RFX7: variants seen among roughly 807,000 people sequenced by gnomAD.
The protein encoded by RFX7 is DNA-binding protein RFX7.
In RFX7, 26 loss-of-function variants were observed where a neutral mutation model predicts 111.8. That is an observed-to-expected ratio of 0.23 (90% CI 0.17 to 0.32). The LOEUF (loss-of-function observed/expected upper bound fraction) is 0.32, where lower values mean the gene tolerates loss of function less well. Among genes scored for constraint, RFX7 ranks in the 10% least tolerant of loss-of-function variants. The probability of loss-of-function intolerance (pLI) is 1.00; values close to 1 mark genes in which losing one functional copy is unlikely to be tolerated. For missense variants in RFX7, 1,573 were observed against 1,772.9 expected (o/e 0.89, Z 2.02); for synonymous variants, 624 against 624.4 (o/e 1.00, Z 0.01).
intron 3 of RFX7, among the ~76,000 whole-genome samples, chr15:56,168,586 T>C (rs1235396662): frequency 6.6e-6 from 1 of 152,190 alleles, no homozygotes; most frequent in Non-Finnish European, 1.5e-5. Context: ...ACTAATATGT[T>C]GTCTCATGAC....
In RFX7 at chr15:56,095,479, G is replaced by A; in HGVS notation, c.2249C>T (p.Pro750Leu). ...TACTTTTATATCTGGAGATGATGAT[G>A]GGGTTGTTTGCTGTTCCAAAGCTGA... ...SDSALEQQTT[P>L]SSSPDIKVKL... The change falls in exon 10 of 10, where the codon CCA becomes CTA. Residue 750 changes from proline to leucine, a missense_variant. Physicochemically the swap from Pro to Leu is moderately conservative, Grantham distance 98. Around this residue, in one of 7 missense-constraint regions of RFX7, gnomAD observed 625 missense variants for 632.2 expected, o/e 0.99. Transcript: ENST00000559447. The A allele has an allele frequency of 2.5e-6, 4 of 1,612,488 alleles. No individual in the cohort carries two copies. In the South Asian group the frequency reaches 4.4e-5, roughly 18 times the overall value.
chr15:56,210,601 T>C (rs1180197180), intron 2 of RFX7, among the ~76,000 whole-genome samples: 1 of 152,070 alleles, frequency 6.6e-6, no homozygotes, highest in Admixed American at 6.6e-5. Flanking sequence ...ATAGAAATTA[T>C]AGAGTATCTC....
chr15:56,212,263 C>T (rs1278864055), intron 2 of RFX7, among the ~76,000 whole-genome samples: 1 of 151,988 alleles, frequency 6.6e-6, no homozygotes, highest in African/African-American at 2.4e-5. Context: ...AAAAAGGGTA[C>T]ATACTGTGTG....
At chr15:56,171,200 A>G (rs2042841724) in intron 3 of RFX7, among the ~76,000 whole-genome samples, 1 of 152,172 alleles carries the variant, frequency 6.6e-6, no homozygotes. Context: ...AGGCTGAGGA[A>G]GAGTCAAGAC....
intron 2 of RFX7, among the ~76,000 whole-genome samples, chr15:56,213,651 T>A (rs1388623818): frequency 5.3e-5 from 8 of 152,154 alleles, no homozygotes; most frequent in Non-Finnish European, 1.0e-4. Flanking sequence ...CGCTACAGAT[T>A]TGCAAGATGA....
At chr15:56,106,031 C>T (rs2041825374) in intron 5 of RFX7, among the ~76,000 whole-genome samples, 2 of 152,116 alleles carry the variant, frequency 1.3e-5, no homozygotes, top group Admixed American at 6.5e-5. Flanking sequence ...TGGTGACAGT[C>T]TAAAGTCCAT....
chr15:56,208,026 C>A (rs1181708969), intron 2 of RFX7, among the ~76,000 whole-genome samples: 1 of 152,146 alleles, frequency 6.6e-6, no homozygotes. Context: ...AGATAAACTC[C>A]AGGGAAATCC....
At chr15:56,181,943 T>A (rs1352778845) in intron 2 of RFX7, among the ~76,000 whole-genome samples, 1 of 152,148 alleles carries the variant, frequency 6.6e-6, no homozygotes, top group African/African-American at 2.4e-5. Context: ...TAGATTCTCA[T>A]AGGAGCCTGT....
chr15:56,132,373 C>T (rs2042229544), intron 5 of RFX7, among the ~76,000 whole-genome samples: 1 of 151,776 alleles, frequency 6.6e-6, no homozygotes, highest in Non-Finnish European at 1.5e-5. Flanking sequence ...ACCAGAAGAA[C>T]AGAGAACATA....
At chr15:56,209,590 T>C (rs554320782) in intron 2 of RFX7, among the ~76,000 whole-genome samples, 8 of 152,244 alleles carry the variant, frequency 5.3e-5, no homozygotes, top group African/African-American at 1.9e-4. Context: ...ACAGGAACAA[T>C]GTACTGAATT....
intron 2 of RFX7, among the ~76,000 whole-genome samples, chr15:56,218,154 T>C (rs1033864698): frequency 2.2e-5 from 3 of 135,264 alleles, no homozygotes; most frequent in East Asian, 4.2e-4. Flanking sequence ...CTTTTTTTTT[T>C]TTTTTTTTTT....
intron 2 of RFX7, among the ~76,000 whole-genome samples, chr15:56,186,397 C>T (rs2043038215): frequency 6.6e-6 from 1 of 152,142 alleles, no homozygotes; most frequent in African/African-American, 2.4e-5. Context: ...CTGCTTACGA[C>T]CTTTCTTAAG....
At chr15:56,124,213 G>A (rs574757918) in intron 5 of RFX7, among the ~76,000 whole-genome samples, 4 of 152,204 alleles carry the variant, frequency 2.6e-5, no homozygotes, top group African/African-American at 9.6e-5. Context: ...ACAAGGTCAG[G>A]AGATTGAGAC....
At chr15:56,214,219 G>A (rs1441472260) in intron 2 of RFX7, among the ~76,000 whole-genome samples, 1 of 151,986 alleles carries the variant, frequency 6.6e-6, no homozygotes, top group Non-Finnish European at 1.5e-5. Context: ...GAGCACTTTG[G>A]CTATTCTAGG....
At chr15:56,176,813 C>T (rs1384550383) in intron 3 of RFX7, among the ~76,000 whole-genome samples, 1 of 152,046 alleles carries the variant, frequency 6.6e-6, no homozygotes, top group Non-Finnish European at 1.5e-5. Context: ...AAAAAAAAAT[C>T]TTCCATTGCC....
chr15:56,095,801 C>T lies in RFX7; in HGVS notation c.1927G>A (p.Asp643Asn). The T allele has an allele frequency of 6.2e-7, 1 of 1,612,582 alleles. No homozygotes were observed. Among genetic ancestry groups the T allele is most frequent in the Admixed American group, 1.7e-5 (1 of 60,010 alleles). ...AATTTAGGGTCTTTATTGATTGAGT[C>T]ACCATTAGGTGGTGAGCTGCTGCTG... ...FTSSSSPPNG[D>N]SINKDPKLCT... Residue 643 changes from aspartate to asparagine, a missense_variant, in exon 10 of 10, where the codon GAC (aspartate) becomes AAC (asparagine). This residue lies in a region of RFX7 where 625 missense variants were observed against 632.2 expected (regional missense o/e 0.99). Coordinates refer to ENST00000559447, the MANE Select transcript of RFX7 (RefSeq NM_022841.7).
At chr15:56,228,085 C>A (rs2043506126) in intron 2 of RFX7, among the ~76,000 whole-genome samples, 1 of 151,978 alleles carries the variant, frequency 6.6e-6, no homozygotes, top group Admixed American at 6.5e-5. Flanking sequence ...TAATTCTTAT[C>A]TTTATTCCTC....
rs1020246029 is a variant in RFX7 at position 56,164,993 on chromosome 15, G to A, written c.195+14277C>T. Among the ~76,000 whole-genome samples the A allele has an allele frequency of 6.6e-5, 10 of 152,174 alleles. No individual in the cohort carries two copies. In the East Asian group the frequency reaches 1.7e-3, roughly 26 times the overall value. On this transcript the variant is annotated intron_variant, in intron 3 of 9. Transcript: ENST00000559447. ...ACAGAAGACAATTTTTCCATGGATG[G>A]GGTGGGGATTATGGGGATGGTTTTG...
rs2041563908 is a variant in RFX7, at chr15:56,089,039, T to C, written c.*4306A>G. On this transcript the variant is annotated 3_prime_UTR_variant, in exon 10 of 10. Transcript: ENST00000559447. ...TCCCAAAGAGCAAGTCCCTAATATC[T>C]TCCCTAGGTGATGGAACTCATTTAA... The C allele has an allele frequency of 6.6e-6, 1 of 152,154 alleles. No individual in the cohort carries two copies. The highest frequency in any genetic ancestry group is 6.6e-5 in the Admixed American group (1 of 15,256). 9.4% of individuals were successfully genotyped at this position (152,154 alleles called of 1,614,324 possible). A position where few individuals can be genotyped will look rare whatever the true frequency, so the allele number is the denominator to read the frequency against.
Sources: gnomAD v4.1 joint callset for allele counts (sites outside exome capture counted in the v4.1 genomes callset) on GRCh38, gnomAD v4.1.1 for gene constraint, gnomAD v4.1.1 regional missense constraint, MANE v1.5 for transcripts, NCBI Gene and HGNC (gene_info 2026-07-23, HGNC 2026-07-21) for gene names.